The following NPAS3 variants were observed in gnomAD, a reference collection of about 807,000 sequenced individuals.
NPAS3 encodes the protein neuronal PAS domain protein 3.
NPAS3 carries 14 observed loss-of-function variants against 73.1 expected under a neutral mutation model. The observed-to-expected ratio is 0.19, with a 90% CI of 0.13 to 0.30. The LOEUF (loss-of-function observed/expected upper bound fraction) is 0.30. Among genes scored for constraint, NPAS3 ranks in the 10% least tolerant of loss-of-function variants. The pLI is 1.00. For synonymous variants in NPAS3, 620 were observed against 541.5 expected, an observed-to-expected ratio of 1.14 and a Z score of -2.01; for missense variants, 1,096 against 1,250.0, an observed-to-expected ratio of 0.88 and a Z score of 1.86.
At chr14:33,190,836 G>A (rs1594349202) in intron 2 of NPAS3, among the ~76,000 whole-genome samples, 2 of 152,120 alleles carry the variant, frequency 1.3e-5, no homozygotes, top group South Asian at 2.1e-4. Context: ...TTTCTTAGTC[G>A]AAGAGGCCCG....
chr14:33,309,853 A>G (rs1408245496), intron 3 of NPAS3, among the ~76,000 whole-genome samples: 4 of 152,140 alleles, frequency 2.6e-5, no homozygotes, highest in Admixed American at 2.6e-4. Context: ...TCAGCTAGCT[A>G]TGGAGGTGGG....
At chr14:33,003,971 G>C (rs12589782) in intron 1 of NPAS3, among the ~76,000 whole-genome samples, 12,219 of 152,186 alleles carry the variant, frequency 0.08, 914 homozygotes, top group East Asian at 0.23. Context: ...TCATTACACT[G>C]ATTTGAATCC....
chr14:33,359,218 A>G (rs909444819), intron 3 of NPAS3, among the ~76,000 whole-genome samples: 3 of 152,204 alleles, frequency 2.0e-5, no homozygotes, highest in South Asian at 4.1e-4. Context: ...CCACAGAAAC[A>G]TAAGCTGTTT....
chr14:33,746,894 G>T (rs9671931), intron 7 of NPAS3, among the ~76,000 whole-genome samples: 2 of 81,438 alleles, frequency 2.5e-5, no homozygotes, highest in Non-Finnish European at 5.4e-5. Context: ...TCCCTCCCCC[G>T]TCCCCCCACC....
chr14:33,712,546 C>T (rs1161638356), intron 6 of NPAS3, among the ~76,000 whole-genome samples: 1 of 152,192 alleles, frequency 6.6e-6, no homozygotes, highest in African/African-American at 2.4e-5. Flanking sequence ...AAGTTCGAGA[C>T]AAAAACAAAT....
intron 3 of NPAS3, among the ~76,000 whole-genome samples, chr14:33,272,181 T>C (rs2041122072): frequency 6.6e-6 from 1 of 152,214 alleles, no homozygotes; most frequent in Non-Finnish European, 1.5e-5. Flanking sequence ...ATGGCTTGAA[T>C]TGTACACATG....
At chr14:33,293,629 C>T (rs2042183908) in intron 3 of NPAS3, among the ~76,000 whole-genome samples, 1 of 152,102 alleles carries the variant, frequency 6.6e-6, no homozygotes, top group African/African-American at 2.4e-5. Context: ...AAAGGGAAGA[C>T]TTCTCATGAA....
intron 4 of NPAS3, among the ~76,000 whole-genome samples, chr14:33,549,011 A>G (rs1344545864): frequency 6.6e-6 from 1 of 152,230 alleles, no homozygotes; most frequent in Non-Finnish European, 1.5e-5. Context: ...TTACAGGAGC[A>G]TATGTGAACA....
At chr14:33,579,560 C>T (rs1305870328) in intron 5 of NPAS3, among the ~76,000 whole-genome samples, 1 of 152,134 alleles carries the variant, frequency 6.6e-6, no homozygotes, top group East Asian at 1.9e-4. Context: ...AATCAATGTA[C>T]TCCCCATTTC....
intron 9 of NPAS3, among the ~76,000 whole-genome samples, chr14:33,787,435 C>T (rs2063211355): frequency 1.3e-5 from 2 of 152,008 alleles, no homozygotes; most frequent in Admixed American, 1.3e-4. Context: ...ACACAGATAG[C>T]AATTCAAGCA....
Position 33,053,102 on chromosome 14 carries a change from A to T in NPAS3, c.51-2803A>T, listed in dbSNP as rs532782153. Reference sequence around the variant, plus strand: ...AGGCGTCATCTGTTCTTGTTTGCACAAAATACATTTTAGCCAACTGTAGGA... The same window carrying T: ...AGGCGTCATCTGTTCTTGTTTGCACTAAATACATTTTAGCCAACTGTAGGA... On this transcript the variant is annotated intron_variant, in intron 1 of 11. Transcript: ENST00000356141. 2.0e-5 allele frequency among the ~76,000 whole-genome samples: 3 copies of T among 152,292 alleles called. No individual in the cohort carries two copies. In the South Asian group the frequency reaches 6.2e-4, roughly 32 times the overall value.
At chr14:33,640,245 T>C (rs2058641534) in intron 5 of NPAS3, among the ~76,000 whole-genome samples, 1 of 152,116 alleles carries the variant, frequency 6.6e-6, no homozygotes, top group Admixed American at 6.6e-5. Context: ...TCTTGTTTGA[T>C]GCCCTCTTCT....
At position 33,052,218 on chromosome 14, in the gene NPAS3, C is replaced by G. The variant is rs189670236; in HGVS notation, c.51-3687C>G. On this transcript the variant is annotated intron_variant, in intron 1 of 11. Transcript: ENST00000356141. ...GGATCCCTGTTGTCCTCAGAAATGT[C>G]TTTAAAGGATGGCTTTGTAAATTTT... 1.1e-4 allele frequency among the ~76,000 whole-genome samples: 16 copies of G among 152,278 alleles called. No homozygotes were observed. In the East Asian group the frequency reaches 3.1e-3, roughly 29 times the overall value.
intron 7 of NPAS3, among the ~76,000 whole-genome samples, chr14:33,748,181 T>C (rs2061859759): frequency 6.6e-6 from 1 of 152,206 alleles, no homozygotes; most frequent in Admixed American, 6.5e-5. Flanking sequence ...TGGGTCAGTG[T>C]TCTACATCTT....
chr14:33,717,073 AGTAGAGAGGGAAT>A (rs1266387896), intron 6 of NPAS3, among the ~76,000 whole-genome samples: 31 of 152,154 alleles, frequency 2.0e-4, no homozygotes, highest in Admixed American at 6.6e-5. Context: ...GAAGGCACTG[AGTAGAGAGGGAAT>A]GGGAGTTGAT....
chr14:33,448,455 T>C (rs1195709971), intron 4 of NPAS3, among the ~76,000 whole-genome samples: 1 of 151,956 alleles, frequency 6.6e-6, no homozygotes, highest in Non-Finnish European at 1.5e-5. Flanking sequence ...TGCGGAAGGG[T>C]CGCTGAGGGC....
intron 5 of NPAS3, among the ~76,000 whole-genome samples, chr14:33,610,752 G>A (rs1289892884): frequency 6.6e-6 from 1 of 152,108 alleles, no homozygotes; most frequent in African/African-American, 2.4e-5. Context: ...TTTGATTACT[G>A]GGGTTAGTGA....
chr14:33,513,090 C>T (rs993339608), intron 4 of NPAS3, among the ~76,000 whole-genome samples: 1 of 151,962 alleles, frequency 6.6e-6, no homozygotes, highest in East Asian at 1.9e-4. Context: ...GATGACAGAA[C>T]TTTAAAAAGG....
In NPAS3 at chr14:33,106,473, C is replaced by A. The variant is rs1325869977; in HGVS notation, c.140+50479C>A. Among the ~76,000 whole-genome samples the A allele has an allele frequency of 3.3e-5, 5 of 152,182 alleles. No individual in the cohort carries two copies. The South Asian group carries it at 6.2e-4, about 19-fold the overall frequency. Reference sequence around the variant, plus strand: ...AGAGTAAAATTTTCAAAATTGCTATCAAAATTTTTTGTGAATCAGAATACA... The same window carrying A: ...AGAGTAAAATTTTCAAAATTGCTATAAAAATTTTTTGTGAATCAGAATACA... On this transcript the variant is annotated intron_variant, in intron 2 of 11. Coordinates refer to ENST00000356141, the Ensembl canonical transcript of NPAS3.
Sources: allele counts gnomAD v4.1 joint callset (sites outside exome capture counted in the v4.1 genomes callset), GRCh38; gene constraint gnomAD v4.1.1; transcripts MANE v1.5; gene names NCBI Gene and HGNC (gene_info 2026-07-23, HGNC 2026-07-21).